WDR20: variants seen among roughly 807,000 people sequenced by gnomAD.
WDR20 encodes WD repeat domain 20.
WDR20 carries 3 observed loss-of-function variants against 38.7 expected under a neutral mutation model. The observed-to-expected ratio is 0.08, with a 90% CI of 0.04 to 0.20. The LOEUF is 0.20. Ranked by LOEUF, WDR20 falls within the 10% of genes least tolerant of loss-of-function variation. The probability of loss-of-function intolerance (pLI) is 1.00; values close to 1 mark genes in which losing one functional copy is unlikely to be tolerated. For synonymous variants in WDR20, 298 were observed against 285.6 expected, an observed-to-expected ratio of 1.04 and a Z score of -0.44; for missense variants, 559 against 727.7, an observed-to-expected ratio of 0.77 and a Z score of 2.67.
chr14:102,207,196 C>T lies in WDR20; in HGVS notation c.433-1407C>T, dbSNP rs2061700248. Among the ~76,000 whole-genome samples the T allele has an allele frequency of 6.6e-6, 1 of 152,244 alleles. No homozygotes were observed. Among genetic ancestry groups the T allele is most frequent in the African/African-American group, 2.4e-5 (1 of 41,468 alleles). On this transcript the variant is annotated intron_variant, in intron 2 of 2. Transcript: ENST00000342702. The surrounding 1 kb of genome is among the most constrained non-coding windows in gnomAD (Gnocchi z 5.0). ...GAGTAACTGCCCAATGCATGGTCCCCAGCCCTGGGCCCGCATGCTGTGTGG... is the reference window on the plus strand; with the variant it reads ...GAGTAACTGCCCAATGCATGGTCCCTAGCCCTGGGCCCGCATGCTGTGTGG...
chr14:102,156,940 A>C (rs1353582563), intron 1 of WDR20, among the ~76,000 whole-genome samples: 1 of 152,026 alleles, frequency 6.6e-6, no homozygotes, highest in Non-Finnish European at 1.5e-5. Context: ...GAGTGAGCGG[A>C]GATCCGCGCC....
At chr14:102,193,211 C>G (rs2058825664) in intron 1 of WDR20, among the ~76,000 whole-genome samples, 1 of 149,298 alleles carries the variant, frequency 6.7e-6, no homozygotes, top group South Asian at 2.1e-4. Flanking sequence ...GATTCTCTTT[C>G]CCTGCCATCC....
chr14:102,188,872 CAAAAAAAAAA>C (rs34508888), intron 1 of WDR20, among the ~76,000 whole-genome samples: 1,395 of 97,562 alleles, frequency 0.014, 34 homozygotes, highest in African/African-American at 0.05. Flanking sequence ...GACCCTGTTT[CAAAAAAAAAA>C]AAAAAAAAAA....
intron 1 of WDR20, among the ~76,000 whole-genome samples, chr14:102,141,678 C>G (rs1377374789): frequency 6.6e-6 from 1 of 152,020 alleles, no homozygotes; most frequent in Non-Finnish European, 1.5e-5. Context: ...ATATAATAAT[C>G]ATAATGAACT....
At chr14:102,143,314 C>T (rs2052173724) in intron 1 of WDR20, among the ~76,000 whole-genome samples, 1 of 152,060 alleles carries the variant, frequency 6.6e-6, no homozygotes, top group African/African-American at 2.4e-5. Flanking sequence ...ATTAAAACAT[C>T]TTTTCACAAT....
intron 1 of WDR20, among the ~76,000 whole-genome samples, chr14:102,156,414 C>G (rs552933861): frequency 6.6e-6 from 1 of 152,100 alleles, no homozygotes; most frequent in South Asian, 2.1e-4. Context: ...GTGATCTGCC[C>G]GCCTCGGCCT....
At position 102,176,492 on chromosome 14, in the gene WDR20, A is replaced by G. The variant is rs1160427430; in HGVS notation, c.250-18446A>G. Among the ~76,000 whole-genome samples the G allele has an allele frequency of 2.0e-5, 3 of 152,276 alleles. No homozygotes were observed. The East Asian group carries it at 5.8e-4, about 29-fold the overall frequency. On this transcript the variant is annotated intron_variant, in intron 1 of 2. Coordinates refer to ENST00000342702, the MANE Select transcript of WDR20 (RefSeq NM_144574.4). ...GGCGGGCGGATCATGAGGTCAAGAA[A>G]TCGAGACTATCCTGGCTAACATGGT...
At chr14:102,172,462 C>T (rs375327949) in intron 1 of WDR20, among the ~76,000 whole-genome samples, 1,824 of 151,382 alleles carry the variant, frequency 0.012, 15 homozygotes, top group Admixed American at 0.088. Flanking sequence ...CAGAGGGGCT[C>T]CTCACTTCCC....
chr14:102,197,697 T>TG, intron 2 of WDR20: 7 of 658,056 alleles, frequency 1.1e-5, no homozygotes, highest in Non-Finnish European at 1.4e-5. Context: ...CTGGAAGATG[T>TG]GGGGGAACCT....
chr14:102,148,407 G>T (rs1404742941), intron 1 of WDR20, among the ~76,000 whole-genome samples: 1 of 151,976 alleles, frequency 6.6e-6, no homozygotes, highest in South Asian at 2.1e-4. Context: ...AGGTGTGGTG[G>T]TGCACGCCTG....
intron 1 of WDR20, among the ~76,000 whole-genome samples, chr14:102,185,406 G>A (rs1356431937): frequency 6.6e-6 from 1 of 152,082 alleles, no homozygotes; most frequent in African/African-American, 2.4e-5. Flanking sequence ...AGAAGCCTAG[G>A]AACATGGAGT....
At chr14:102,159,520 T>C (rs1227714394) in intron 1 of WDR20, among the ~76,000 whole-genome samples, 1 of 152,174 alleles carries the variant, frequency 6.6e-6, no homozygotes, top group Non-Finnish European at 1.5e-5. Context: ...TAGCTTTCTT[T>C]GATTGTTTCA....
At position 102,153,839 on chromosome 14, in the gene WDR20, C is replaced by G. The variant is rs573803993; in HGVS notation, c.249+13667C>G. ...GTCACCATCCATCAGAGAACCTACT[C>G]TTGACCATCGATTTGTGGTAGCTAT... On this transcript the variant is annotated intron_variant, in intron 1 of 2. Coordinates refer to ENST00000342702, the MANE Select transcript of WDR20 (RefSeq NM_144574.4). Among the ~76,000 whole-genome samples, 3 of 152,332 alleles carry G rather than the reference C, an allele frequency of 2.0e-5. No homozygotes were observed. In the South Asian group the frequency reaches 6.2e-4, roughly 32 times the overall value.
chr14:102,204,388 C>T (rs947960234), intron 2 of WDR20, among the ~76,000 whole-genome samples: 4 of 152,234 alleles, frequency 2.6e-5, no homozygotes, highest in African/African-American at 9.7e-5. Flanking sequence ...CTAGAGTCCC[C>T]TTCTCCCCAG....
At chr14:102,205,595 C>T (rs1037807231) in intron 2 of WDR20, among the ~76,000 whole-genome samples, 1 of 152,122 alleles carries the variant, frequency 6.6e-6, no homozygotes, top group Admixed American at 6.5e-5. Flanking sequence ...CCACAGTAGA[C>T]ACTCTGATTG....
At chr14:102,172,831 G>A (rs1209206488) in intron 1 of WDR20, among the ~76,000 whole-genome samples, 5 of 149,068 alleles carry the variant, frequency 3.4e-5, no homozygotes, top group African/African-American at 4.9e-5. Flanking sequence ...GCTGCCGGGC[G>A]GAGGGTCTCC....
chr14:102,150,987 A>C (rs1380333624), intron 1 of WDR20, among the ~76,000 whole-genome samples: 1 of 152,222 alleles, frequency 6.6e-6, no homozygotes, highest in Non-Finnish European at 1.5e-5. Context: ...TCCCTGGCCC[A>C]AAGTGCCTAC....
upstream of WDR20, chr14:102,139,746 A>G: frequency 2.2e-6 from 2 of 927,680 alleles, no homozygotes. Context: ...ACGCCTGCGC[A>G]GTCGGGCCGT....
Position 102,140,006 on chromosome 14 carries a change from C to T in WDR20, c.83C>T (p.Pro28Leu), listed in dbSNP as rs976047833. Reference sequence around the variant, plus strand: ...CGGGAAGGTCTGTACAAGCTGCTGCCGCACTCGGAGTACAGCCGGCCCAAC... The same window carrying T: ...CGGGAAGGTCTGTACAAGCTGCTGCTGCACTCGGAGTACAGCCGGCCCAAC... The part of the protein sequence containing the change: ...TTREGLYKLL[P>L]HSEYSRPNRV... The change falls in exon 1 of 3, where the codon CCG becomes CTG. Residue 28 changes from proline to leucine, a missense_variant. By Grantham distance (98) the Pro-to-Leu change is moderately conservative. Transcript: ENST00000342702. 4 of 1,614,108 alleles carry T rather than the reference C, an allele frequency of 2.5e-6. No individual in the cohort carries two copies. Among genetic ancestry groups the T allele is most frequent in the Admixed American group, 1.7e-5 (1 of 60,012 alleles).
Sources: allele counts gnomAD v4.1 joint callset (sites outside exome capture counted in the v4.1 genomes callset), GRCh38; gene constraint gnomAD v4.1.1; non-coding constraint Gnocchi (gnomAD v3.1); transcripts MANE v1.5; gene names NCBI Gene and HGNC (gene_info 2026-07-23, HGNC 2026-07-21).